Variants in HK1 observed in about 807,000 individuals in gnomAD.
HK1 encodes the protein hexokinase-1.
A neutral mutation model predicts 91.6 loss-of-function variants in HK1; 28 were observed. The ratio of observed to expected loss-of-function variants is 0.31; its 90% confidence interval spans 0.23 to 0.42. The LOEUF (loss-of-function observed/expected upper bound fraction) is 0.42. Ranked by LOEUF, HK1 falls within the 10% of genes least tolerant of loss-of-function variation. The pLI, the probability that HK1 is intolerant of heterozygous loss-of-function variation, is 1.00. For missense variants in HK1, 770 were observed against 1,219.8 expected, an observed-to-expected ratio of 0.63 and a Z score of 5.49; for synonymous variants, 430 against 468.1, an observed-to-expected ratio of 0.92 and a Z score of 1.05.
rs367686259 is a variant in HK1, at chr10:69,347,467, G to A, written c.226+3478G>A. ...TTTTTTTTTTTTTTAAGACAGTCTCGCTCTGTCGCCCAGGTTGCAGTGCAG... is the reference window on the plus strand; with the variant it reads ...TTTTTTTTTTTTTTAAGACAGTCTCACTCTGTCGCCCAGGTTGCAGTGCAG... On this transcript the variant is annotated intron_variant, in intron 2 of 17. Coordinates refer to ENST00000359426, the MANE Select transcript of HK1 (RefSeq NM_000188.3). Among the ~76,000 whole-genome samples the A allele has an allele frequency of 7.4e-5, 11 of 148,410 alleles. 1 individual carries two copies. The highest frequency in any genetic ancestry group is 2.2e-4 in the African/African-American group (9 of 40,056).
intron 1 of HK1, among the ~76,000 whole-genome samples, chr10:69,280,010 C>T (rs1459399988): frequency 1.3e-5 from 2 of 152,078 alleles, no homozygotes; most frequent in African/African-American, 2.4e-5. Flanking sequence ...TGGGCAGACA[C>T]GAGGAAGGAT....
At chr10:69,333,110 T>G (rs1847816895) in intron 1 of HK1, among the ~76,000 whole-genome samples, 2 of 152,312 alleles carry the variant, frequency 1.3e-5, no homozygotes, top group South Asian at 2.1e-4. Flanking sequence ...GATTTCATGA[T>G]TGCTGTTTTA....
intron 15 of HK1, among the ~76,000 whole-genome samples, chr10:69,392,599 T>C (rs1450355963): frequency 6.6e-6 from 1 of 152,180 alleles, no homozygotes; most frequent in South Asian, 2.1e-4. Flanking sequence ...GCTGTGTTCC[T>C]TTCCCATCAG....
exon 5 of HK1, chr10:69,300,788 A>C (rs1192522864): frequency 6.2e-7 from 1 of 1,605,586 alleles, no homozygotes; most frequent in Non-Finnish European, 8.5e-7. Flanking sequence ...TGCTCTTGAG[A>C]GCATCAGCCA....
intron 3 of HK1, among the ~76,000 whole-genome samples, chr10:69,293,548 C>G (rs375426741): frequency 6.6e-5 from 10 of 152,296 alleles, no homozygotes; most frequent in African/African-American, 2.4e-4. Context: ...TACTTAGTGG[C>G]TTAAAACAAT....
upstream of HK1, chr10:69,318,043 G>A: frequency 1.0e-6 from 1 of 985,442 alleles, no homozygotes; most frequent in Non-Finnish European, 1.2e-6. Flanking sequence ...AGGCCCAGAG[G>A]ATGGGGACAG....
At chr10:69,379,522 C>A (rs928164303) in intron 8 of HK1, among the ~76,000 whole-genome samples, 1 of 152,194 alleles carries the variant, frequency 6.6e-6, no homozygotes, top group East Asian at 1.9e-4. Flanking sequence ...ACAGACCCCA[C>A]GAGTGGGAGG....
intron 2 of HK1, among the ~76,000 whole-genome samples, chr10:69,346,353 C>T (rs2132695576): frequency 6.6e-6 from 1 of 152,268 alleles, no homozygotes; most frequent in Middle Eastern, 3.4e-3. Flanking sequence ...AGGAAGGAAA[C>T]AAGCCTTTCC....
chr10:69,394,838 TTGA>T (rs1446296218), intron 15 of HK1, 109 bp from the exon 16 acceptor site: 30 of 1,065,788 alleles, frequency 2.8e-5, no homozygotes, highest in Non-Finnish European at 3.8e-5. Context: ...CACATGGCTG[TTGA>T]TGATGCGCTT....
intron 2 of HK1, among the ~76,000 whole-genome samples, chr10:69,284,453 G>C (rs998306130): frequency 6.6e-6 from 1 of 152,082 alleles, no homozygotes; most frequent in Non-Finnish European, 1.5e-5. Context: ...TGAATAGTGG[G>C]TACATCCTCT....
chr10:69,391,367 G>T (rs1440614797), intron 14 of HK1, among the ~76,000 whole-genome samples: 1 of 152,260 alleles, frequency 6.6e-6, no homozygotes, highest in Non-Finnish European at 1.5e-5. Context: ...GTGGGGCTGG[G>T]CGTGGTGCCC....
intron 7 of HK1, among the ~76,000 whole-genome samples, chr10:69,372,817 A>G (rs1008344551): frequency 6.6e-6 from 1 of 151,984 alleles, no homozygotes; most frequent in African/African-American, 2.4e-5. Context: ...AGTCCTCTGT[A>G]TTGTAAAAGC....
At chr10:69,318,383 G>A (rs1489667786), upstream of HK1, 5 of 276,932 alleles carry the variant, frequency 1.8e-5, no homozygotes, top group Admixed American at 6.5e-5. Flanking sequence ...GACTCCTAGG[G>A]GCGAGCCCTC....
intron 8 of HK1, 125 bp downstream of exon 8, chr10:69,377,214 C>A: frequency 9.0e-7 from 1 of 1,113,036 alleles, no homozygotes; most frequent in Non-Finnish European, 1.3e-6. Flanking sequence ...TTTCTGGGTC[C>A]GTGTCCTCTC....
Position 69,394,933 on chromosome 10 carries a change from C to T in HK1, c.2220-17C>T. The T allele has an allele frequency of 6.2e-7, 1 of 1,613,892 alleles. No individual in the cohort carries two copies. The highest frequency in any genetic ancestry group is 1.3e-5 in the African/African-American group (1 of 74,992). ...GCCACTTCCCATAGACACCCCAGGC[C>T]CCTCCTCCTGTCTCAGGTATGAGAA... On this transcript the variant is annotated splice_polypyrimidine_tract_variant and intron_variant, in intron 15 of 17. Coordinates refer to ENST00000359426, the MANE Select transcript of HK1 (RefSeq NM_000188.3).
intron 1 of HK1, among the ~76,000 whole-genome samples, chr10:69,280,142 G>A (rs1215085415): frequency 1.3e-5 from 2 of 150,538 alleles, no homozygotes; most frequent in African/African-American, 2.4e-5. Context: ...TTTTTTTTTA[G>A]ACAGAGTCTC....
chr10:69,292,066 A>AT (rs749202328), intron 3 of HK1, among the ~76,000 whole-genome samples: 3 of 151,764 alleles, frequency 2.0e-5, no homozygotes, highest in Admixed American at 6.6e-5. Flanking sequence ...TAGGACCATA[A>AT]TTTTTTTTAA....
rs754840771 is a variant in HK1 at position 69,386,280 on chromosome 10, A to G, written c.1840-43A>G. ...TTGGAATTTTGTGTTCTCCCCTTCC[A>G]GGTTAATTACACAGGACTCTCCTGG... On this transcript the variant is annotated intron_variant, in intron 12 of 17. Coordinates refer to ENST00000359426, the MANE Select transcript of HK1 (RefSeq NM_000188.3). The G allele has an allele frequency of 6.7e-5, 102 of 1,520,040 alleles. No homozygotes were observed. In the Admixed American group the frequency reaches 1.4e-3, roughly 21 times the overall value. 94.2% of individuals were successfully genotyped at this position (1,520,040 alleles called of 1,614,324 possible).
upstream of HK1, among the ~76,000 whole-genome samples, chr10:69,312,587 T>C (rs1161342199): frequency 6.6e-6 from 1 of 151,996 alleles, no homozygotes; most frequent in Non-Finnish European, 1.5e-5. Flanking sequence ...ATGGGGAATA[T>C]GCTAATTCTG....
Sources: gnomAD v4.1 joint callset for allele counts (sites outside exome capture counted in the v4.1 genomes callset) on GRCh38, gnomAD v4.1.1 for gene constraint, MANE v1.5 for transcripts, NCBI Gene and HGNC (gene_info 2026-07-23, HGNC 2026-07-21) for gene names.